KIF15: variants seen among roughly 807,000 people sequenced by gnomAD.
KIF15 encodes kinesin family member 15, also known as kinesin-like protein KIF15.
Under a neutral mutation model 190.6 loss-of-function variants are expected in KIF15, and 140 were observed. That is an observed-to-expected ratio of 0.73 (90% CI 0.64 to 0.84). The LOEUF (loss-of-function observed/expected upper bound fraction) is 0.84, where lower values mean the gene tolerates loss of function less well. Among genes scored for constraint, KIF15 ranks in the 40% least tolerant of loss-of-function variants. The pLI, the probability that KIF15 is intolerant of heterozygous loss-of-function variation, is 0.00. For missense variants in KIF15, 1,372 were observed against 1,584.4 expected, an observed-to-expected ratio of 0.87 and a Z score of 2.28; for synonymous variants, 528 against 551.3, an observed-to-expected ratio of 0.96 and a Z score of 0.59.
At chr3:44,809,834 A>G (rs558052350) in intron 16 of KIF15, among the ~76,000 whole-genome samples, 1 of 152,184 alleles carries the variant, frequency 6.6e-6, no homozygotes, top group South Asian at 2.1e-4. Context: ...TGGGAGGCCA[A>G]AGCGGGCAGA....
At position 44,801,820 on chromosome 3, in the gene KIF15, T is replaced by G. The variant is rs757000375; in HGVS notation, c.1355T>G (p.Phe452Cys). ...GACCTCACCCTCAAAAAGGAAAAAT[T>G]TATTCAATCTAATAAAATGATTGTG... ...LEDLTLKKEK[F>C]IQSNKMIVKF... Residue 452 changes from phenylalanine (F) to cysteine (C), a missense_variant, in exon 13 of 35, where the codon TTT becomes TGT. By Grantham distance (205) the Phe-to-Cys change is radical. Transcript: ENST00000326047. The G allele has an allele frequency of 2.5e-6, 4 of 1,608,938 alleles. No homozygotes were observed. The highest frequency in any genetic ancestry group is 2.2e-5 in the South Asian group (2 of 90,616).
chr3:44,835,088 A>T (rs1264973754), intron 26 of KIF15, among the ~76,000 whole-genome samples: 1 of 151,834 alleles, frequency 6.6e-6, no homozygotes, highest in Non-Finnish European at 1.5e-5. Flanking sequence ...TCAAAATCTT[A>T]GGGTGAATAT....
Position 44,812,283 on chromosome 3 carries a change from G to A in KIF15, c.2271G>A (p.Met757Ile). 1.2e-6 allele frequency: 2 copies of A among 1,612,340 alleles called. No individual in the cohort carries two copies. Among genetic ancestry groups the A allele is most frequent in the Non-Finnish European group, 1.7e-6 (2 of 1,178,548 alleles). The change falls in exon 18 of 35, where the codon ATG (methionine) becomes ATA (isoleucine). Residue 757 changes from methionine (M) to isoleucine (I), a missense_variant. Met to Ile is a conservative substitution (Grantham distance 10, BLOSUM62 1). Transcript: ENST00000326047. ...VDKLEHHSTQ[M>I]QELFSSERID... ...AACTGGAACATCATTCTACCCAAAT[G>A]CAGGAGGTGAGACCAAGAGCACAGC...
intron 25 of KIF15, among the ~76,000 whole-genome samples, chr3:44,830,608 GTCACTCCTCC>G (rs1440858589): frequency 6.6e-6 from 1 of 152,156 alleles, no homozygotes; most frequent in Non-Finnish European, 1.5e-5. Flanking sequence ...GAAGGCTTTT[GTCACTCCTCC>G]TCACTCCTCT....
chr3:44,801,451 C>A lies in KIF15; in HGVS notation c.1224C>A (p.Asp408Glu), dbSNP rs72875734. 3,941 of 1,539,556 alleles carry A rather than the reference C, an allele frequency of 2.6e-3. 70 individuals are homozygous for A. The African/African-American group carries it at 0.042, about 16-fold the overall frequency. Residue 408 changes from aspartate to glutamate, a missense_variant and splice_region_variant, in exon 12 of 35, where the codon GAC (aspartate) becomes GAA (glutamate). Physicochemically the swap from Asp to Glu is conservative, Grantham distance 45. Coordinates refer to ENST00000326047, the MANE Select transcript of KIF15 (RefSeq NM_020242.3). ...CCTTTCTTATTGGATCAATTACAGACAAAAAGAAGACTAACTATATGGAGT... is the reference window on the plus strand; with the variant it reads ...CCTTTCTTATTGGATCAATTACAGAAAAAAAGAAGACTAACTATATGGAGT... ...QTPPESFLTR[D>E]KKKTNYMEYF...
rs1338135335 is a variant in KIF15, at chr3:44,778,117, A to C, written c.249A>C (p.Glu83Asp). 3 of 1,612,252 alleles carry C rather than the reference A, an allele frequency of 1.9e-6. No homozygotes were observed. In the African/African-American group the frequency reaches 4.0e-5, roughly 22 times the overall value. Residue 83 changes from glutamate (E) to aspartate (D), a missense_variant and splice_region_variant, in exon 4 of 35, where the codon GAA (glutamate) becomes GAC (aspartate). Transcript: ENST00000326047. ...AACATGTTTGGTTACATTTGTAGGA[A>C]TCTGTATTCGCAACTGTGGCTAAAA... is the stretch of plus-strand genomic sequence containing the variant. ...DHVADVDTTQ[E>D]SVFATVAKSI...
intron 14 of KIF15, among the ~76,000 whole-genome samples, chr3:44,804,100 G>A (rs1298454885): frequency 2.0e-5 from 3 of 152,024 alleles, no homozygotes; most frequent in East Asian, 1.9e-4. Flanking sequence ...CACCCACTTC[G>A]GCCTCCCAAA....
intron 3 of KIF15, 80 bp downstream of exon 3, chr3:44,775,517 A>G: frequency 1.9e-6 from 2 of 1,056,088 alleles, no homozygotes; most frequent in Non-Finnish European, 2.7e-6. Flanking sequence ...GTGCAGTGGC[A>G]TGATCTCGGC....
At chr3:44,794,558 C>A (rs998278790) in intron 8 of KIF15, 132 bp downstream of exon 8, 1 of 626,892 alleles carries the variant, frequency 1.6e-6, no homozygotes, top group African/African-American at 1.9e-5. Flanking sequence ...AGTATAATAG[C>A]TATACCACAT....
chr3:44,786,835 T>G lies in KIF15; in HGVS notation c.639+261T>G, dbSNP rs188141593. Among the ~76,000 whole-genome samples the G allele has an allele frequency of 3.1e-4, 47 of 152,308 alleles. No homozygotes were observed. The East Asian group carries it at 8.9e-3, about 29-fold the overall frequency. Reference sequence around the variant, plus strand: ...AGTTTCTTACTTGTCCATATGTTTTTAGTGGTTCCTCCTGGGAGATGCCTG... The same window carrying G: ...AGTTTCTTACTTGTCCATATGTTTTGAGTGGTTCCTCCTGGGAGATGCCTG... On this transcript the variant is annotated intron_variant, in intron 7 of 34. Coordinates refer to ENST00000326047, the MANE Select transcript of KIF15 (RefSeq NM_020242.3).
At chr3:44,838,208 A>C in intron 26 of KIF15, 67 bp from the exon 27 acceptor site, 1 of 1,488,802 alleles carries the variant, frequency 6.7e-7, no homozygotes. Flanking sequence ...AGTTGTACAT[A>C]GTAATGATTT....
chr3:44,778,979 C>CAAAAA (rs60269306), intron 4 of KIF15, among the ~76,000 whole-genome samples: 60 of 77,450 alleles, frequency 7.7e-4, no homozygotes, highest in South Asian at 2.1e-3. Flanking sequence ...GACTCCGCCT[C>CAAAAA]AAAAAAAAAA....
chr3:44,802,315 G>A (rs542580272), intron 13 of KIF15, among the ~76,000 whole-genome samples: 1 of 152,290 alleles, frequency 6.6e-6, no homozygotes, highest in South Asian at 2.1e-4. Context: ...AGGGAGAATG[G>A]ATAGGTCATA....
In KIF15 at chr3:44,812,275, A is replaced by C. The variant is rs1270719549; in HGVS notation, c.2263A>C (p.Thr755Pro). ...QHVDKLEHHS[T>P]QMQELFSSER... ...TGTTGACAAACTGGAACATCATTCT[A>C]CCCAAATGCAGGAGGTGAGACCAAG... Residue 755 changes from threonine (T) to proline (P), a missense_variant, in exon 18 of 35, where the codon ACC becomes CCC. By Grantham distance (38) the Thr-to-Pro change is conservative. Coordinates refer to ENST00000326047, the MANE Select transcript of KIF15 (RefSeq NM_020242.3). The C allele has an allele frequency of 6.2e-7, 1 of 1,613,442 alleles. No individual in the cohort carries two copies. Among genetic ancestry groups the C allele is most frequent in the South Asian group, 1.1e-5 (1 of 91,036 alleles).
At chr3:44,813,632 T>TG (rs1156473586) in intron 19 of KIF15, among the ~76,000 whole-genome samples, 46 of 142,704 alleles carry the variant, frequency 3.2e-4, no homozygotes, top group Admixed American at 3.1e-3. Flanking sequence ...TTTGTTTTGT[T>TG]TTTTTTTTTT....
chr3:44,782,536 T>C (rs1250938338), intron 5 of KIF15, among the ~76,000 whole-genome samples: 2 of 152,242 alleles, frequency 1.3e-5, no homozygotes, highest in Non-Finnish European at 2.9e-5. Flanking sequence ...CTGGCTCTTG[T>C]GGACCTTCTG....
At position 44,805,877 on chromosome 3, in the gene KIF15, A is replaced by C. The variant is rs1305719344; in HGVS notation, c.1862A>C (p.Gln621Pro). ...KRQLELESELQSLQKANLNLE... is the reference protein window; with the variant it reads ...KRQLELESELPSLQKANLNLE... ...CAGCTAGAATTGGAATCAGAGCTTC[A>C]GTCTTTGCAAAAAGCGAACCTTAAT... The change falls in exon 16 of 35, where the codon CAG becomes CCG. Residue 621 changes from glutamine (Q) to proline (P), a missense_variant. Physicochemically the swap from Gln to Pro is moderately conservative, Grantham distance 76. Transcript: ENST00000326047. 1.9e-6 allele frequency: 3 copies of C among 1,613,994 alleles called. No individual in the cohort carries two copies. The highest frequency in any genetic ancestry group is 2.5e-6 in the Non-Finnish European group (3 of 1,179,976).
In KIF15 at chr3:44,811,064, A is replaced by T. The variant is rs372545312; in HGVS notation, c.2169+21A>T. On this transcript the variant is annotated intron_variant, in intron 17 of 34. Coordinates refer to ENST00000326047, the MANE Select transcript of KIF15 (RefSeq NM_020242.3). ...TGCAGGTAATGTTTTGTTCTAGAAA[A>T]AATAAATAACTGGACATCCATTTAA... The T allele has an allele frequency of 6.5e-6, 10 of 1,543,344 alleles. No homozygotes were observed. In the African/African-American group the frequency reaches 1.3e-4, roughly 19 times the overall value.
chr3:44,866,609 C>T (rs1233734961), intron 6 of KIF15, among the ~76,000 whole-genome samples: 2 of 152,316 alleles, frequency 1.3e-5, no homozygotes, highest in South Asian at 2.1e-4. Flanking sequence ...GCTAGGAGAG[C>T]GAAGGGTCTT....
Sources: gnomAD v4.1 joint callset for allele counts (sites outside exome capture counted in the v4.1 genomes callset) on GRCh38, gnomAD v4.1.1 for gene constraint, MANE v1.5 for transcripts, NCBI Gene and HGNC (gene_info 2026-07-23, HGNC 2026-07-21) for gene names.